The following SV2C variants were observed in gnomAD, a reference collection of about 807,000 sequenced individuals.
SV2C encodes solute carrier family 22 member B3.
SV2C carries 49 observed loss-of-function variants against 79.7 expected under a neutral mutation model. That is an observed-to-expected ratio of 0.61 (90% CI 0.49 to 0.78). The LOEUF (loss-of-function observed/expected upper bound fraction) is 0.78, where lower values mean the gene tolerates loss of function less well. Ranked by LOEUF, SV2C falls within the 30% of genes least tolerant of loss-of-function variation. The probability of loss-of-function intolerance (pLI) is 0.00; values close to 1 mark genes in which losing one functional copy is unlikely to be tolerated. For missense variants in SV2C, 833 were observed against 912.9 expected, an observed-to-expected ratio of 0.91 and a Z score of 1.13; for synonymous variants, 334 against 333.2, an observed-to-expected ratio of 1.00 and a Z score of -0.03.
chr5:76,016,752 T>C, the SV2C span, among the ~76,000 whole-genome samples: 19 of 152,300 alleles, frequency 1.2e-4, no homozygotes, highest in East Asian at 3.1e-3. Context: ...ACTCAATAAA[T>C]GGTACTGTGA....
the SV2C span, among the ~76,000 whole-genome samples, chr5:76,063,435 G>C: frequency 1.3e-5 from 2 of 152,202 alleles, no homozygotes; most frequent in African/African-American, 4.8e-5. Flanking sequence ...ACTGGTAAAA[G>C]TGTCAGTGAA....
the SV2C span, among the ~76,000 whole-genome samples, chr5:75,877,717 G>A: frequency 3.3e-5 from 5 of 151,876 alleles, no homozygotes; most frequent in East Asian, 1.9e-4. Flanking sequence ...ACATGGGGTC[G>A]GTCTGGGGCA....
At chr5:76,325,277 T>C in intron 12 of SV2C, 87 bp from the exon 13 acceptor site, 5 of 1,354,008 alleles carry the variant, frequency 3.7e-6, no homozygotes, top group Non-Finnish European at 5.2e-6. Context: ...TGAGGGAAGA[T>C]CATTGAAAAT....
intron 4 of SV2C, among the ~76,000 whole-genome samples, chr5:76,239,247 C>T (rs1745707131): frequency 6.6e-6 from 1 of 152,058 alleles, no homozygotes; most frequent in South Asian, 2.1e-4. Context: ...TTCCTTTACC[C>T]TTACATAGTG....
chr5:75,906,080 T>G, the SV2C span, among the ~76,000 whole-genome samples: 2 of 151,790 alleles, frequency 1.3e-5, no homozygotes, highest in African/African-American at 4.8e-5. Flanking sequence ...CACCAAGGAC[T>G]GCTGGTAACT....
intron 2 of SV2C, among the ~76,000 whole-genome samples, chr5:76,184,548 G>A (rs148661446): frequency 0.013 from 1,944 of 152,324 alleles, 29 homozygotes; most frequent in Non-Finnish European, 0.017. Flanking sequence ...CTGCATGGCT[G>A]GGGAGGTCTC....
chr5:76,023,684 G>GTATA, the SV2C span, among the ~76,000 whole-genome samples: 4,468 of 148,798 alleles, frequency 0.03, 217 homozygotes, highest in African/African-American at 0.1. Context: ...ATGTGTGTGT[G>GTATA]TATATATATA....
chr5:76,291,417 T>C, intron 7 of SV2C, 86 bp downstream of exon 7: 1 of 1,089,556 alleles, frequency 9.2e-7, no homozygotes, highest in Non-Finnish European at 1.3e-6. Context: ...GCCTGCCCTA[T>C]GAGCGAGGTT....
chr5:76,191,245 G>T (rs1744094311), intron 2 of SV2C, among the ~76,000 whole-genome samples: 1 of 127,324 alleles, frequency 7.9e-6, no homozygotes, highest in South Asian at 2.3e-4. Flanking sequence ...CTACCCCCAT[G>T]GTCTAATCAC....
At chr5:76,318,028 A>G (rs1051314144) in intron 12 of SV2C, among the ~76,000 whole-genome samples, 3 of 152,184 alleles carry the variant, frequency 2.0e-5, no homozygotes, top group Non-Finnish European at 1.5e-5. Flanking sequence ...CCTGCACTAA[A>G]GACAGAAAAA....
chr5:75,996,500 G>GT, the SV2C span, among the ~76,000 whole-genome samples: 2 of 152,100 alleles, frequency 1.3e-5, no homozygotes. Flanking sequence ...CTTTAAAGTA[G>GT]TTTTTTCCAA....
At chr5:76,293,092 T>G (rs1747616791) in intron 8 of SV2C, among the ~76,000 whole-genome samples, 1 of 152,214 alleles carries the variant, frequency 6.6e-6, no homozygotes, top group African/African-American at 2.4e-5. Flanking sequence ...CCCATTCTGC[T>G]GGGTGACTTG....
intron 1 of SV2C, among the ~76,000 whole-genome samples, chr5:76,118,527 A>G (rs1208418190): frequency 1.3e-5 from 2 of 152,200 alleles, no homozygotes; most frequent in Non-Finnish European, 2.9e-5. Flanking sequence ...CCAATAATCA[A>G]ATGTATCTAA....
intron 12 of SV2C, among the ~76,000 whole-genome samples, chr5:76,320,093 C>T (rs1748778286): frequency 6.6e-6 from 1 of 151,296 alleles, no homozygotes; most frequent in Admixed American, 6.6e-5. Flanking sequence ...GGGAGGATTG[C>T]TTGAGCCCAG....
intron 2 of SV2C, 148 bp downstream of exon 2, chr5:76,132,478 G>A (rs1241243024): frequency 1.3e-6 from 1 of 757,850 alleles, no homozygotes; most frequent in Non-Finnish European, 2.0e-6. Flanking sequence ...GCATACAAAA[G>A]AATCAAAATA....
At chr5:76,323,960 T>TAC (rs967297921) in intron 12 of SV2C, among the ~76,000 whole-genome samples, 10 of 152,250 alleles carry the variant, frequency 6.6e-5, no homozygotes, top group Admixed American at 2.6e-4. Flanking sequence ...GGCACATGTA[T>TAC]ACCTATGTAA....
At chr5:76,136,413 G>T (rs1183340744) in intron 2 of SV2C, among the ~76,000 whole-genome samples, 1 of 152,156 alleles carries the variant, frequency 6.6e-6, no homozygotes, top group Non-Finnish European at 1.5e-5. Flanking sequence ...CAGGTACCTG[G>T]CAAAGTACAT....
At chr5:76,044,920 T>C in the SV2C span, among the ~76,000 whole-genome samples, 1 of 152,256 alleles carries the variant, frequency 6.6e-6, no homozygotes, top group Admixed American at 6.5e-5. Context: ...TTTAGTTTAA[T>C]TAGATCCCAT....
intron 2 of SV2C, among the ~76,000 whole-genome samples, chr5:76,169,222 C>T (rs1226544622): frequency 6.6e-6 from 1 of 152,180 alleles, no homozygotes; most frequent in Non-Finnish European, 1.5e-5. Flanking sequence ...GGATGGTCAG[C>T]AGTTGGTGAG....
Sources: gnomAD v4.1 joint callset for allele counts (sites outside exome capture counted in the v4.1 genomes callset) on GRCh38, gnomAD v4.1.1 for gene constraint, MANE v1.5 for transcripts, NCBI Gene and HGNC (gene_info 2026-07-23, HGNC 2026-07-21) for gene names.